Variants in SNTG1 observed in about 807,000 individuals in gnomAD.
The protein encoded by SNTG1 is syntrophin gamma 1, also known as gamma-1-syntrophin.
A neutral mutation model predicts 74.7 loss-of-function variants in SNTG1; 39 were observed. That is an observed-to-expected ratio of 0.52 (90% CI 0.40 to 0.68). The LOEUF (loss-of-function observed/expected upper bound fraction) is 0.68, where lower values mean the gene tolerates loss of function less well. Ranked by LOEUF, SNTG1 falls within the 30% of genes least tolerant of loss-of-function variation. The pLI is 0.00. For synonymous variants in SNTG1, 254 were observed against 217.1 expected (o/e 1.17, Z -1.49); for missense variants, 685 against 609.5 (o/e 1.12, Z -1.30).
At chr8:50,258,005 A>G (rs2086970494) in intron 2 of SNTG1, among the ~76,000 whole-genome samples, 1 of 152,250 alleles carries the variant, frequency 6.6e-6, no homozygotes, top group South Asian at 2.1e-4. Context: ...CACATCCATT[A>G]CTTTGTCCAA....
chr8:50,208,903 A>G (rs1351605891), intron 2 of SNTG1, among the ~76,000 whole-genome samples: 1 of 152,160 alleles, frequency 6.6e-6, no homozygotes, highest in African/African-American at 2.4e-5. Flanking sequence ...CTTGTCGGAC[A>G]GTGGGTTCAG....
chr8:50,777,863 C>T (rs573760345), intron 18 of SNTG1, among the ~76,000 whole-genome samples: 3 of 152,166 alleles, frequency 2.0e-5, no homozygotes, highest in East Asian at 1.9e-4. Context: ...TCCCCCCACC[C>T]GACAACAGTC....
intron 1 of SNTG1, among the ~76,000 whole-genome samples, chr8:50,119,187 A>G (rs917905888): frequency 2.8e-5 from 4 of 141,324 alleles, no homozygotes; most frequent in African/African-American, 1.0e-4. Flanking sequence ...GCCTTTCTCT[A>G]TATGGTAAAA....
At position 50,565,158 on chromosome 8, in the gene SNTG1, C is replaced by T. The variant is rs148212781; in HGVS notation, c.810+11979C>T. On this transcript the variant is annotated intron_variant, in intron 12 of 18. Transcript: ENST00000642720. ...TCTACAAAATACCTGACCAGCACTC[C>T]TCAAGACTGACAATGTCTTCAAAAA... Among the ~76,000 whole-genome samples, 480 of 152,046 alleles carry T rather than the reference C, an allele frequency of 3.2e-3. 3 individuals are homozygous for T. The highest frequency in any genetic ancestry group is 5.4e-3 in the Admixed American group (82 of 15,236).
chr8:50,389,952 T>C (rs2092632283), intron 2 of SNTG1, among the ~76,000 whole-genome samples: 1 of 152,216 alleles, frequency 6.6e-6, no homozygotes, highest in Admixed American at 6.5e-5. Context: ...CTTGTAAATT[T>C]GTTTGAGTTC....
intron 2 of SNTG1, among the ~76,000 whole-genome samples, chr8:50,266,682 G>GTATATATATATATA (rs1341606847): frequency 2.2e-5 from 3 of 137,448 alleles, no homozygotes; most frequent in African/African-American, 8.3e-5. Flanking sequence ...GTGTGTGTGT[G>GTATATATATATATA]TGTATATATA....
At chr8:50,343,492 AAAATT>A (rs1424943598) in intron 2 of SNTG1, among the ~76,000 whole-genome samples, 2 of 152,222 alleles carry the variant, frequency 1.3e-5, no homozygotes, top group Non-Finnish European at 2.9e-5. Flanking sequence ...TAATTATAAA[AAAATT>A]AAAAGATCAC....
chr8:50,311,090 G>A (rs569104384), intron 2 of SNTG1, among the ~76,000 whole-genome samples: 14 of 152,156 alleles, frequency 9.2e-5, no homozygotes, highest in Non-Finnish European at 1.9e-4. Flanking sequence ...AAAATATTAT[G>A]AGCCTTCCTA....
intron 18 of SNTG1, among the ~76,000 whole-genome samples, chr8:50,784,447 AG>A (rs1245164234): frequency 6.6e-6 from 1 of 152,230 alleles, no homozygotes; most frequent in Non-Finnish European, 1.5e-5. Context: ...GATACTAAAA[AG>A]GGCATTTTAT....
At chr8:50,576,973 G>C (rs1271299103) in intron 12 of SNTG1, among the ~76,000 whole-genome samples, 1 of 151,922 alleles carries the variant, frequency 6.6e-6, no homozygotes, top group Non-Finnish European at 1.5e-5. Context: ...ACAGCTGCTA[G>C]GACTTGAAGT....
At chr8:50,358,179 T>A (rs777126345) in intron 2 of SNTG1, among the ~76,000 whole-genome samples, 1 of 152,164 alleles carries the variant, frequency 6.6e-6, no homozygotes, top group Non-Finnish European at 1.5e-5. Flanking sequence ...CCATAGGCTC[T>A]TTTCAGAAGC....
chr8:50,620,581 G>A (rs1345847015), intron 13 of SNTG1, among the ~76,000 whole-genome samples: 2 of 152,154 alleles, frequency 1.3e-5, no homozygotes, highest in African/African-American at 2.4e-5. Context: ...ATTTGCTGGG[G>A]TGCCTCAGAG....
At chr8:50,670,613 C>T (rs2095276044) in intron 15 of SNTG1, among the ~76,000 whole-genome samples, 1 of 143,180 alleles carries the variant, frequency 7.0e-6, no homozygotes, top group African/African-American at 2.7e-5. Flanking sequence ...AATGGCCATA[C>T]TGCCCAAGGT....
chr8:50,040,319 A>C (rs1818527084), intron 1 of SNTG1, among the ~76,000 whole-genome samples: 1 of 152,230 alleles, frequency 6.6e-6, no homozygotes, highest in Admixed American at 6.5e-5. Flanking sequence ...ATGTAAAAAA[A>C]ATTTAGAAAT....
chr8:50,521,367 T>C (rs1189463718), intron 9 of SNTG1, among the ~76,000 whole-genome samples: 1 of 152,190 alleles, frequency 6.6e-6, no homozygotes, highest in Non-Finnish European at 1.5e-5. Context: ...TGCATAGCTA[T>C]GTAACAAACC....
chr8:50,631,064 C>A (rs769996426), intron 13 of SNTG1, among the ~76,000 whole-genome samples: 2 of 152,192 alleles, frequency 1.3e-5, no homozygotes, highest in South Asian at 2.1e-4. Flanking sequence ...AACCTCTTGG[C>A]CCTCTTACGG....
At chr8:50,101,085 T>A (rs1208996031) in intron 1 of SNTG1, among the ~76,000 whole-genome samples, 1 of 152,160 alleles carries the variant, frequency 6.6e-6, no homozygotes, top group Admixed American at 6.6e-5. Flanking sequence ...TCCAGTTCCA[T>A]CTATGTTGCT....
intron 1 of SNTG1, among the ~76,000 whole-genome samples, chr8:50,117,716 T>C (rs2080869919): frequency 6.6e-6 from 1 of 152,168 alleles, no homozygotes; most frequent in African/African-American, 2.4e-5. Context: ...GGTCACTGAG[T>C]TTACTTATTC....
chr8:50,306,609 A>G (rs1322485549), intron 2 of SNTG1, among the ~76,000 whole-genome samples: 30 of 152,164 alleles, frequency 2.0e-4, no homozygotes, highest in Non-Finnish European at 1.5e-5. Context: ...GTAAGGTGGT[A>G]TCTCATTGTG....
Sources: gnomAD v4.1 joint callset for allele counts (sites outside exome capture counted in the v4.1 genomes callset) on GRCh38, gnomAD v4.1.1 for gene constraint, MANE v1.5 for transcripts, NCBI Gene and HGNC (gene_info 2026-07-23, HGNC 2026-07-21) for gene names.